RIPK1: variants seen among roughly 807,000 people sequenced by gnomAD.
RIPK1 encodes the protein receptor interacting serine/threonine kinase 1.
RIPK1 carries 27 observed loss-of-function variants against 62.4 expected under a neutral mutation model. The observed-to-expected ratio is 0.43, with a 90% CI of 0.32 to 0.60. The LOEUF is 0.60. Ranked by LOEUF, RIPK1 falls within the 20% of genes least tolerant of loss-of-function variation. The pLI, the probability that RIPK1 is intolerant of heterozygous loss-of-function variation, is 0.07. For synonymous variants in RIPK1, 287 were observed against 303.2 expected, an observed-to-expected ratio of 0.95 and a Z score of 0.55; for missense variants, 735 against 831.0, an observed-to-expected ratio of 0.88 and a Z score of 1.42.
intron 3 of RIPK1, 73 bp from the exon 4 acceptor site, chr6:3,080,906 C>G (rs1252598811): frequency 2.7e-6 from 4 of 1,472,126 alleles, no homozygotes; most frequent in African/African-American, 2.9e-5. Flanking sequence ...ATCCCACCAC[C>G]CTTTCATGAA....
In RIPK1 at chr6:3,089,337, G is replaced by A. The variant is rs143382029; in HGVS notation, c.839-244G>A. ...GTTGCAGCCAGAGAAACTGCAGCAC[G>A]AATAAAAAGCACAAAGAGCACAGGC... On this transcript the variant is annotated intron_variant, in intron 6 of 10. Coordinates refer to ENST00000259808, the MANE Select transcript of RIPK1 (RefSeq NM_001354930.2). Among the ~76,000 whole-genome samples the A allele has an allele frequency of 9.2e-3, 1,400 of 152,276 alleles. 17 individuals carry two copies. The highest frequency in any genetic ancestry group is 0.037 in the Middle Eastern group (11 of 294).
rs766796108 is a variant in RIPK1, at chr6:3,072,032, C to G, written c.-61+3371C>G. Among the ~76,000 whole-genome samples, 1 of 152,130 alleles carries G rather than the reference C, an allele frequency of 6.6e-6. No homozygotes were observed. The highest frequency in any genetic ancestry group is 1.5e-5 in the Non-Finnish European group (1 of 68,016). On this transcript the variant is annotated intron_variant, in intron 1 of 10. Coordinates refer to ENST00000259808, the MANE Select transcript of RIPK1 (RefSeq NM_001354930.2). This position sits in a 1 kb window ranked among gnomAD's most constrained non-coding sequence, Gnocchi z 5.6. ...TCTTTCACAACATCGCTTTTGCAAACTGCTAGATATATTTCAGTGTTGATG... is the reference window on the plus strand; with the variant it reads ...TCTTTCACAACATCGCTTTTGCAAAGTGCTAGATATATTTCAGTGTTGATG...
At chr6:3,073,247 T>C (rs1041728875) in intron 1 of RIPK1, among the ~76,000 whole-genome samples, 2 of 64,262 alleles carry the variant, frequency 3.1e-5, no homozygotes, top group African/African-American at 9.8e-5. Context: ...TTTTATATCA[T>C]ATATTATATA....
chr6:3,082,173 G>T (rs1759425906), intron 4 of RIPK1, among the ~76,000 whole-genome samples: 1 of 152,250 alleles, frequency 6.6e-6, no homozygotes, highest in Non-Finnish European at 1.5e-5. Context: ...CCTGGGGGAG[G>T]CACCCAGGAG....
Position 3,086,643 on chromosome 6 carries a change from G to T in RIPK1, c.838+1235G>T, listed in dbSNP as rs571738823. On this transcript the variant is annotated intron_variant, in intron 6 of 10. Coordinates refer to ENST00000259808, the MANE Select transcript of RIPK1 (RefSeq NM_001354930.2). Reference sequence around the variant, plus strand: ...GGAAGAGATGTACAAGGTGAGGTATGGGAGGAGGGTGTATAGAACTTCCAT... The same window carrying T: ...GGAAGAGATGTACAAGGTGAGGTATTGGAGGAGGGTGTATAGAACTTCCAT... Among the ~76,000 whole-genome samples the T allele has an allele frequency of 5.4e-4, 82 of 152,344 alleles. 1 individual carries two copies. The highest frequency in any genetic ancestry group is 1.0e-3 in the Non-Finnish European group (68 of 68,032).
rs140487365 is a variant in RIPK1 at position 3,098,847 on chromosome 6, C to CAG, written c.916-5377_916-5376dup. Among the ~76,000 whole-genome samples the CAG allele has an allele frequency of 2.9e-3, 435 of 152,380 alleles. 1 individual carries two copies. The highest frequency in any genetic ancestry group is 0.01 in the African/African-American group (424 of 41,594). On this transcript the variant is annotated intron_variant, in intron 7 of 10. Transcript: ENST00000259808. ...GAAGTCAGAAGGCAACGAAGCCTGA[C>CAG]AGCTCTGGCAGCCGGGAGCACTGAG...
intron 5 of RIPK1, 93 bp from the exon 6 acceptor site, chr6:3,085,166 A>T (rs1759622754): frequency 7.2e-7 from 1 of 1,384,280 alleles, no homozygotes; most frequent in African/African-American, 1.4e-5. Flanking sequence ...CAGCTGTACC[A>T]GAGGCTGAGA....
At position 3,110,928 on chromosome 6, in the gene RIPK1, C is replaced by G. The variant is rs148311977; in HGVS notation, c.1702C>G (p.Pro568Ala). The change falls in exon 10 of 11, where the codon CCA becomes GCA. Residue 568 changes from proline to alanine, a missense_variant. Coordinates refer to ENST00000259808, the MANE Select transcript of RIPK1 (RefSeq NM_001354930.2). ...CACAAATACGAACTTCAAAGAAGAG[C>G]CAGCTGCTAAGTACCAAGCTATCTT... ...DSTNTNFKEE[P>A]AAKYQAIFDN... 3.7e-6 allele frequency: 6 copies of G among 1,613,036 alleles called. No homozygotes were observed. The African/African-American group carries it at 8.0e-5, about 22-fold the overall frequency.
upstream of RIPK1, chr6:3,068,173 C>T: frequency 1.0e-6 from 1 of 973,190 alleles, no homozygotes; most frequent in Non-Finnish European, 1.2e-6. Flanking sequence ...CTCAACAGCC[C>T]CACTTTACAG....
Position 3,094,580 on chromosome 6 carries a change from C to CATATATATATATATAT in RIPK1, c.915+4928_915+4943dup, listed in dbSNP as rs370564571. 7.9e-5 allele frequency among the ~76,000 whole-genome samples: 11 copies of CATATATATATATATAT among 139,304 alleles called. No homozygotes were observed. In the South Asian group the frequency reaches 1.1e-3, roughly 14 times the overall value. 91.4% of individuals were successfully genotyped at this position (139,304 alleles called of 152,430 possible). A position where few individuals can be genotyped will look rare whatever the true frequency, so the allele number is the denominator to read the frequency against. On this transcript the variant is annotated intron_variant, in intron 7 of 10. Transcript: ENST00000259808. ...TATAACCTTAAATAAATAAATATTT[C>CATATATATATATATAT]ATATATATATATATATATATGAAGA...
intron 1 of RIPK1, among the ~76,000 whole-genome samples, chr6:3,074,164 T>G (rs1006221397): frequency 6.6e-6 from 1 of 152,186 alleles, no homozygotes. Context: ...AACATTATCA[T>G]CACCCCAGAA....
intron 7 of RIPK1, among the ~76,000 whole-genome samples, chr6:3,102,415 G>A (rs569874496): frequency 6.6e-6 from 1 of 152,152 alleles, no homozygotes; most frequent in East Asian, 1.9e-4. Context: ...CTCTCCCCAC[G>A]ATCTGTCATT....
chr6:3,098,366 A>G (rs567720464), intron 7 of RIPK1, among the ~76,000 whole-genome samples: 1 of 152,370 alleles, frequency 6.6e-6, no homozygotes, highest in South Asian at 2.1e-4. Context: ...AAATACACCA[A>G]AAAAGTGCAC....
At position 3,068,575 on chromosome 6, in the gene RIPK1, C is replaced by G. The variant is rs1758504221; in HGVS notation, c.-147C>G. ...CGCGGCGACTCCAGGGGACCCACAGCTGGGGCGCCAGAGCGCGGCCATCCG... is the reference window on the plus strand; with the variant it reads ...CGCGGCGACTCCAGGGGACCCACAGGTGGGGCGCCAGAGCGCGGCCATCCG... On this transcript the variant is annotated 5_prime_UTR_variant, in exon 1 of 11. Coordinates refer to ENST00000259808, the MANE Select transcript of RIPK1 (RefSeq NM_001354930.2). 1.0e-6 allele frequency: 1 copy of G among 985,356 alleles called. No homozygotes were observed. The highest frequency in any genetic ancestry group is 1.7e-5 in the African/African-American group (1 of 57,340). The allele number at this position is 985,356 out of a possible 1,614,324, so 61.0% of individuals were successfully genotyped here.
chr6:3,072,229 T>C lies in RIPK1; in HGVS notation c.-61+3568T>C, dbSNP rs1374833212. Among the ~76,000 whole-genome samples the C allele has an allele frequency of 6.6e-6, 1 of 152,206 alleles. No homozygotes were observed. On this transcript the variant is annotated intron_variant, in intron 1 of 10. Coordinates refer to ENST00000259808, the MANE Select transcript of RIPK1 (RefSeq NM_001354930.2). This position sits in a 1 kb window ranked among gnomAD's most constrained non-coding sequence, Gnocchi z 5.6. ...AATTATTCCTTTCAAAAAAATAATT[T>C]TAATTTTACATTTAATTCATGTCTA...
chr6:3,083,367 G>A, intron 5 of RIPK1, 54 bp downstream of exon 5: 1 of 1,451,324 alleles, frequency 6.9e-7, no homozygotes, highest in East Asian at 2.4e-5. Flanking sequence ...CACGCACTGT[G>A]CCTGGAACTA....
intron 6 of RIPK1, 130 bp from the exon 7 acceptor site, chr6:3,089,451 T>C: frequency 3.2e-6 from 2 of 634,206 alleles, no homozygotes; most frequent in Non-Finnish European, 2.8e-6. Context: ...GTCAGTGATT[T>C]GGAGCTTAAA....
At position 3,072,736 on chromosome 6, in the gene RIPK1, A is replaced by C. The variant is rs1337479153; in HGVS notation, c.-60-4028A>C. Reference sequence around the variant, plus strand: ...AGACTTAGGATGGCTTCCTTGACAAAATGACAGTTCTCTGACACCTAACCA... The same window carrying C: ...AGACTTAGGATGGCTTCCTTGACAACATGACAGTTCTCTGACACCTAACCA... On this transcript the variant is annotated intron_variant, in intron 1 of 10. Coordinates refer to ENST00000259808, the MANE Select transcript of RIPK1 (RefSeq NM_001354930.2). The surrounding 1 kb of genome is among the most constrained non-coding windows in gnomAD (Gnocchi z 5.6). 6.6e-6 allele frequency among the ~76,000 whole-genome samples: 1 copy of C among 152,134 alleles called. No homozygotes were observed. The highest frequency in any genetic ancestry group is 1.5e-5 in the Non-Finnish European group (1 of 68,028).
At chr6:3,080,733 A>G (rs1226482653) in intron 3 of RIPK1, among the ~76,000 whole-genome samples, 2 of 152,180 alleles carry the variant, frequency 1.3e-5, no homozygotes, top group East Asian at 3.8e-4. Context: ...ATAGTATTTT[A>G]TGCATTACCA....
Sources: allele counts gnomAD v4.1 joint callset (sites outside exome capture counted in the v4.1 genomes callset), GRCh38; gene constraint gnomAD v4.1.1; non-coding constraint Gnocchi (gnomAD v3.1); transcripts MANE v1.5; gene names NCBI Gene and HGNC (gene_info 2026-07-23, HGNC 2026-07-21).